The following AP1G2 variants were observed in gnomAD, a reference collection of about 807,000 sequenced individuals.
AP1G2 encodes AP-1 complex subunit gamma-like 2.
In AP1G2, 85 loss-of-function variants were observed where a neutral mutation model predicts 95.8. The observed-to-expected ratio is 0.89, with a 90% CI of 0.74 to 1.06. AP1G2 has a LOEUF of 1.06. Ranked by LOEUF, AP1G2 falls within the 50% of genes least tolerant of loss-of-function variation. The pLI is 0.00. For missense variants in AP1G2, 967 were observed against 1,005.8 expected, an observed-to-expected ratio of 0.96 and a Z score of 0.52; for synonymous variants, 378 against 400.0, an observed-to-expected ratio of 0.94 and a Z score of 0.66.
intron 14 of AP1G2, 113 bp from the exon 15 acceptor site, chr14:23,562,706 C>G (rs1885581241): frequency 1.0e-6 from 1 of 1,003,776 alleles, no homozygotes; most frequent in Non-Finnish European, 1.4e-6. Context: ...AGTTCAAGAC[C>G]AGCCTGGGCA....
chr14:23,565,114 C>T lies in AP1G2; in HGVS notation c.822+5G>A, dbSNP rs1312918499. On this transcript the variant is annotated splice_donor_5th_base_variant and intron_variant, in intron 8 of 21. Transcript: ENST00000397120. ...ACAGCTAACCAGTGCCCTCCCAGGC[C>T]CCACCTGGGCCAGCAAGTCATTCAT... The T allele has an allele frequency of 6.2e-7, 1 of 1,614,142 alleles. No individual in the cohort carries two copies. Among genetic ancestry groups the T allele is most frequent in the Non-Finnish European group, 8.5e-7 (1 of 1,179,962 alleles).
At position 23,565,718 on chromosome 14, in the gene AP1G2, A is replaced by G. The variant is rs369431643; in HGVS notation, c.646-17T>C. 52 of 1,611,830 alleles carry G rather than the reference A, an allele frequency of 3.2e-5. No homozygotes were observed. In the Middle Eastern group the frequency reaches 1.2e-3, roughly 36 times the overall value. On this transcript the variant is annotated splice_polypyrimidine_tract_variant and intron_variant, in intron 6 of 21. Coordinates refer to ENST00000397120, the MANE Select transcript of AP1G2 (RefSeq NM_003917.5). ...GGGTACCACCTGGAGGGAGGGCACA[A>G]CTTTGGGCATTCGTTCTAATCCTCT...
intron 10 of AP1G2, 52 bp from the exon 11 acceptor site, chr14:23,564,211 C>T: frequency 6.2e-7 from 1 of 1,611,620 alleles, no homozygotes; most frequent in Non-Finnish European, 8.5e-7. Flanking sequence ...GCCCCCACTC[C>T]CCGTCCTGTC....
At chr14:23,566,762 T>A in intron 2 of AP1G2, 76 bp from the exon 3 acceptor site, 1 of 1,571,000 alleles carries the variant, frequency 6.4e-7, no homozygotes, top group Non-Finnish European at 8.7e-7. Flanking sequence ...CATCTTCCTC[T>A]TTAAAACCAG....
At chr14:23,560,661 G>A (rs1883893908) in intron 19 of AP1G2, 1 of 296,582 alleles carries the variant, frequency 3.4e-6, no homozygotes, top group African/African-American at 2.2e-5. Flanking sequence ...GATCACCTGA[G>A]GCCCGGACTT....
intron 14 of AP1G2, 33 bp downstream of exon 14, chr14:23,563,347 G>A: frequency 6.4e-7 from 1 of 1,561,326 alleles, no homozygotes; most frequent in Non-Finnish European, 8.7e-7. Flanking sequence ...GAGTGGTTGG[G>A]CAGCCCTGGG....
rs1465211822 is a variant in AP1G2, at chr14:23,567,590, C to T, written c.-6+149G>A. ...ACCTATTTCTCTCTACCGTTTCCTC[C>T]CCCTACCTGGTACCCCATCCCTAGC... On this transcript the variant is annotated intron_variant, in intron 1 of 21. Coordinates refer to ENST00000397120, the MANE Select transcript of AP1G2 (RefSeq NM_003917.5). This position sits in a 1 kb window ranked among gnomAD's most constrained non-coding sequence, Gnocchi z 5.3. The T allele has an allele frequency of 8.0e-7, 1 of 1,253,534 alleles. No individual in the cohort carries two copies. Among genetic ancestry groups the T allele is most frequent in the Non-Finnish European group, 1.0e-6 (1 of 998,622 alleles). The allele number at this position is 1,253,534 out of a possible 1,614,324, so 77.7% of individuals were successfully genotyped here. A position where few individuals can be genotyped will look rare whatever the true frequency, so the allele number is the denominator to read the frequency against.
rs569219385 is a variant in AP1G2, at chr14:23,559,646, G to A, written c.*103C>T. On this transcript the variant is annotated 3_prime_UTR_variant, in exon 22 of 22. Transcript: ENST00000397120. Reference sequence around the variant, plus strand: ...TGGTCCCCAGTTTTTGCAGTGCAAAGCCAGAGCGCCACCTGCTGGTAGCCC... The same window carrying A: ...TGGTCCCCAGTTTTTGCAGTGCAAAACCAGAGCGCCACCTGCTGGTAGCCC... The A allele has an allele frequency of 1.9e-6, 2 of 1,056,708 alleles. No individual in the cohort carries two copies. Among genetic ancestry groups the A allele is most frequent in the Admixed American group, 4.0e-5 (2 of 49,734 alleles). 65.5% of individuals were successfully genotyped at this position (1,056,708 alleles called of 1,614,324 possible). A position where few individuals can be genotyped will look rare whatever the true frequency, so the allele number is the denominator to read the frequency against.
chr14:23,567,707 A>ACAGCGG lies in AP1G2; in HGVS notation c.-6+31_-6+32insCCGCTG. On this transcript the variant is annotated intron_variant, in intron 1 of 21. Transcript: ENST00000397120. This position sits in a 1 kb window ranked among gnomAD's most constrained non-coding sequence, Gnocchi z 5.3. ...ATCTCAGGCAGCGGCAGCGGCAGCG[A>ACAGCGG]CAGCCTGCCTACCCCAGGACTCCAG... 9.6e-7 allele frequency: 1 copy of ACAGCGG among 1,041,256 alleles called. No homozygotes were observed. Among genetic ancestry groups the ACAGCGG allele is most frequent in the Non-Finnish European group, 1.2e-6 (1 of 864,650 alleles). 64.5% of individuals were successfully genotyped at this position (1,041,256 alleles called of 1,614,324 possible). A position where few individuals can be genotyped will look rare whatever the true frequency, so the allele number is the denominator to read the frequency against.
Position 23,567,224 on chromosome 14 carries a change from C to T in AP1G2, c.91G>A (p.Glu31Lys), listed in dbSNP as rs757774261. The T allele has an allele frequency of 2.5e-6, 4 of 1,612,978 alleles. No homozygotes were observed. The highest frequency in any genetic ancestry group is 3.4e-6 in the Non-Finnish European group (4 of 1,179,508). Residue 31 changes from glutamate (E) to lysine (K), a missense_variant, in exon 2 of 22, where the codon GAG (glutamate) becomes AAG (lysine). Coordinates refer to ENST00000397120, the MANE Select transcript of AP1G2 (RefSeq NM_003917.5). The surrounding 1 kb of genome is among the most constrained non-coding windows in gnomAD (Gnocchi z 5.3). Reference protein sequence around the residue: ...QAQEREVIQKECAHIRASFRD... With the variant: ...QAQEREVIQKKCAHIRASFRD... ...AAGGAGGCCCGGATGTGGGCACACT[C>T]CTTTTGGATCACCTCCCGCTCCTGG...
In AP1G2 at chr14:23,564,563, C is replaced by T. The variant is rs1308213820; in HGVS notation, c.920G>A (p.Arg307Gln). 21 of 1,613,128 alleles carry T rather than the reference C, an allele frequency of 1.3e-5. No individual in the cohort carries two copies. Among genetic ancestry groups the T allele is most frequent in the Non-Finnish European group, 1.7e-5 (20 of 1,179,970 alleles). The change falls in exon 9 of 22, where the codon CGG becomes CAG. Residue 307 changes from arginine to glutamine, a missense_variant and splice_region_variant. By Grantham distance (43) the Arg-to-Gln change is conservative. Coordinates refer to ENST00000397120, the MANE Select transcript of AP1G2 (RefSeq NM_003917.5). ...TGGGAGAGGCATAAGGGGTGATACC[C>T]GTAGGCCAGCTGCAGAGCGGATATC... ...IMDIRSAAGL[R>Q]VLAVNILGRF...
In AP1G2 at chr14:23,560,984, A is replaced by G. The variant is rs887075314; in HGVS notation, c.1993+312T>C. 18 of 646,232 alleles carry G rather than the reference A, an allele frequency of 2.8e-5. No individual in the cohort carries two copies. The East Asian group carries it at 1.0e-3, about 36-fold the overall frequency. 40.0% of individuals were successfully genotyped at this position (646,232 alleles called of 1,614,324 possible). ...GTGCTGGGGAAAGAACATTCCATGT[A>G]AAAAAGAACATGAAATGCCAAGGGT... On this transcript the variant is annotated intron_variant, in intron 19 of 21. Coordinates refer to ENST00000397120, the MANE Select transcript of AP1G2 (RefSeq NM_003917.5).
intron 19 of AP1G2, 160 bp from the exon 20 acceptor site, chr14:23,560,578 G>C (rs1394125174): frequency 1.4e-6 from 1 of 697,638 alleles, no homozygotes; most frequent in Non-Finnish European, 2.2e-6. Flanking sequence ...ACTGTCTAAT[G>C]GGGGAGAGAA....
At chr14:23,565,504 G>A (rs1196059342) in intron 7 of AP1G2, 102 bp downstream of exon 7, 2 of 1,050,410 alleles carry the variant, frequency 1.9e-6, no homozygotes, top group Non-Finnish European at 2.8e-6. Flanking sequence ...TGCTGCCCAG[G>A]ACACTGAGAG....
chr14:23,562,697 G>A (rs1273861885), intron 14 of AP1G2, 104 bp from the exon 15 acceptor site: 4 of 1,120,256 alleles, frequency 3.6e-6, no homozygotes, highest in African/African-American at 3.1e-5. Flanking sequence ...GAGACCAGGA[G>A]TTCAAGACCA....
In AP1G2 at chr14:23,566,645, G is replaced by C; in HGVS notation, c.246C>G (p.Asp82Glu). Residue 82 changes from aspartate (D) to glutamate (E), a missense_variant, in exon 3 of 22, where the codon GAC (aspartate) becomes GAG (glutamate). Asp to Glu is a conservative substitution (Grantham distance 45, BLOSUM62 2). Coordinates refer to ENST00000397120, the MANE Select transcript of AP1G2 (RefSeq NM_003917.5). ...TGGCCCCCAGGTAGCCCACCCTCTT[G>C]TCTGTGAATCTGGAGGAGGCGATCA... ...LKLIASSRFT[D>E]KRVGYLGAML... is the part of the protein sequence containing the mutation. 6.2e-7 allele frequency: 1 copy of C among 1,614,186 alleles called. No individual in the cohort carries two copies. The highest frequency in any genetic ancestry group is 8.5e-7 in the Non-Finnish European group (1 of 1,180,016).
chr14:23,566,992 C>G, intron 2 of AP1G2, 119 bp downstream of exon 2: 1 of 1,133,426 alleles, frequency 8.8e-7, no homozygotes, highest in Non-Finnish European at 1.2e-6. Flanking sequence ...GCAGTGCAGG[C>G]TGTGAAGACT....
At chr14:23,565,753 G>A in intron 6 of AP1G2, 52 bp from the exon 7 acceptor site, 1 of 1,608,682 alleles carries the variant, frequency 6.2e-7, no homozygotes, top group Non-Finnish European at 8.5e-7. Context: ...TCCAGCTAAA[G>A]CCCCATTCCT....
At chr14:23,561,145 T>C in intron 19 of AP1G2, 151 bp downstream of exon 19, 1 of 1,386,590 alleles carries the variant, frequency 7.2e-7, no homozygotes, top group Non-Finnish European at 9.3e-7. Context: ...TGACCATGAT[T>C]GACTTCATTC....
Sources: allele counts gnomAD v4.1 joint callset, GRCh38; gene constraint gnomAD v4.1.1; non-coding constraint Gnocchi (gnomAD v3.1); transcripts MANE v1.5; gene names NCBI Gene and HGNC (gene_info 2026-07-23, HGNC 2026-07-21).